Variants in RAB6A observed in about 807,000 individuals in gnomAD.
RAB6A encodes the protein RAB6A, member RAS oncogene family, also known as ras-related protein Rab-6A.
Under a neutral mutation model 32.3 loss-of-function variants are expected in RAB6A, and 8 were observed. The observed-to-expected ratio is 0.25, with a 90% CI of 0.15 to 0.45. The LOEUF (loss-of-function observed/expected upper bound fraction) is 0.45, where lower values mean the gene tolerates loss of function less well. Among genes scored for constraint, RAB6A ranks in the 20% least tolerant of loss-of-function variants. RAB6A has a pLI of 1.00. For synonymous variants in RAB6A, 73 were observed against 82.1 expected, an observed-to-expected ratio of 0.89 and a Z score of 0.60; for missense variants, 104 against 249.4, an observed-to-expected ratio of 0.42 and a Z score of 3.93.
At position 73,677,811 on chromosome 11, in the gene RAB6A, C is replaced by T; in HGVS notation, c.*87G>A. On this transcript the variant is annotated 3_prime_UTR_variant, in exon 8 of 8. Transcript: ENST00000336083. ...ACGTTATTACTGAAGGGAAAAGGTT[C>T]AAGCCAATATTCACACTGCAGTCAA... 1 of 1,601,410 alleles carries T rather than the reference C, an allele frequency of 6.2e-7. No homozygotes were observed. Among genetic ancestry groups the T allele is most frequent in the Non-Finnish European group, 8.5e-7 (1 of 1,170,466 alleles).
chr11:73,725,363 A>C (rs1366081413), intron 2 of RAB6A, among the ~76,000 whole-genome samples: 1 of 152,244 alleles, frequency 6.6e-6, no homozygotes, highest in Non-Finnish European at 1.5e-5. Context: ...GACTGGGTTC[A>C]TAACACGAAT....
rs528147447 is a variant in RAB6A at position 73,759,926 on chromosome 11, C to G, written c.70+640G>C. On this transcript the variant is annotated intron_variant, in intron 1 of 7. Coordinates refer to ENST00000336083, the MANE Select transcript of RAB6A (RefSeq NM_198896.2). ...AAAATCTCCACTGCCGACGCTACCC[C>G]TTTCACCCCCAACCACCCCATGCTC... 182 of 887,768 alleles carry G rather than the reference C, an allele frequency of 2.1e-4. No individual in the cohort carries two copies. The African/African-American group carries it at 3.0e-3, about 15-fold the overall frequency. The allele number at this position is 887,768 out of a possible 1,614,324, so 55.0% of individuals were successfully genotyped here.
intron 3 of RAB6A, chr11:73,719,002 G>C: frequency 1.0e-6 from 1 of 969,104 alleles, no homozygotes; most frequent in Non-Finnish European, 1.5e-6. Context: ...GTAGAAAGAA[G>C]ACTCATGCAA....
chr11:73,750,513 G>C (rs11235886), intron 1 of RAB6A, among the ~76,000 whole-genome samples: 1 of 151,834 alleles, frequency 6.6e-6, no homozygotes, highest in Non-Finnish European at 1.5e-5. Flanking sequence ...GTGCCACCGC[G>C]CCCAGCAAAT....
intron 1 of RAB6A, among the ~76,000 whole-genome samples, chr11:73,734,368 T>A (rs1031639323): frequency 2.2e-4 from 33 of 152,140 alleles, no homozygotes; most frequent in Admixed American, 1.3e-3. Context: ...TCAGGTGATA[T>A]ACCTGCCTCA....
intron 1 of RAB6A, among the ~76,000 whole-genome samples, chr11:73,751,247 G>C (rs1429932367): frequency 6.6e-6 from 1 of 152,030 alleles, no homozygotes; most frequent in Non-Finnish European, 1.5e-5. Context: ...CCTGTGAATG[G>C]ACTGCACTCC....
intron 6 of RAB6A, among the ~76,000 whole-genome samples, chr11:73,701,439 T>TA (rs1415903709): frequency 2.6e-5 from 4 of 152,228 alleles, no homozygotes; most frequent in Non-Finnish European, 5.9e-5. Context: ...TTCTGAATTG[T>TA]GACTGACCTA....
intron 1 of RAB6A, among the ~76,000 whole-genome samples, chr11:73,741,690 A>G (rs1214325451): frequency 6.6e-6 from 1 of 152,218 alleles, no homozygotes; most frequent in East Asian, 1.9e-4. Context: ...GAAATAAGCT[A>G]TCAAATCATA....
chr11:73,739,778 CG>C (rs1237159498), intron 1 of RAB6A, among the ~76,000 whole-genome samples: 3 of 151,912 alleles, frequency 2.0e-5, no homozygotes, highest in Non-Finnish European at 2.9e-5. Context: ...AGCCTCAGGC[CG>C]GGCCCGGTGG....
intron 6 of RAB6A, among the ~76,000 whole-genome samples, chr11:73,706,471 G>A (rs1217025428): frequency 4.0e-5 from 6 of 150,708 alleles, no homozygotes; most frequent in African/African-American, 1.2e-4. Flanking sequence ...CCGAGATCGC[G>A]CCACTGCACT....
At chr11:73,705,054 C>T (rs1945816058) in intron 6 of RAB6A, among the ~76,000 whole-genome samples, 1 of 152,048 alleles carries the variant, frequency 6.6e-6, no homozygotes, top group African/African-American at 2.4e-5. Context: ...TGGAAGCAAT[C>T]AAACATTATG....
chr11:73,749,497 G>A (rs942535920), intron 1 of RAB6A, among the ~76,000 whole-genome samples: 11 of 152,002 alleles, frequency 7.2e-5, no homozygotes, highest in African/African-American at 2.2e-4. Flanking sequence ...CCTGTTCCCC[G>A]AAAACTACTG....
intron 5 of RAB6A, among the ~76,000 whole-genome samples, chr11:73,713,187 A>G (rs1482195776): frequency 6.6e-6 from 1 of 152,162 alleles, no homozygotes; most frequent in East Asian, 1.9e-4. Flanking sequence ...TTCTAAATCC[A>G]ATGGTTAATT....
At chr11:73,707,299 A>G in intron 6 of RAB6A, 121 bp downstream of exon 6, 3 of 647,732 alleles carry the variant, frequency 4.6e-6, no homozygotes, top group Non-Finnish European at 8.0e-6. Flanking sequence ...CTGTTTGAAA[A>G]TATACTGCTA....
intron 1 of RAB6A, among the ~76,000 whole-genome samples, chr11:73,746,202 GA>G (rs1166195830): frequency 6.6e-6 from 1 of 151,170 alleles, no homozygotes; most frequent in Non-Finnish European, 1.5e-5. Context: ...AAAGAGAAAA[GA>G]AAAAAAGTCA....
chr11:73,749,007 C>A (rs1186905030), intron 1 of RAB6A, among the ~76,000 whole-genome samples: 1 of 152,066 alleles, frequency 6.6e-6, no homozygotes, highest in Non-Finnish European at 1.5e-5. Flanking sequence ...CGCCTGTAAT[C>A]CCAACTACTT....
At chr11:73,760,162 AGT>A in intron 1 of RAB6A, 5 of 1,230,072 alleles carry the variant, frequency 4.1e-6, no homozygotes, top group Non-Finnish European at 4.3e-6. Flanking sequence ...GGCTTCCCTG[AGT>A]GGGCCTCACA....
intron 6 of RAB6A, among the ~76,000 whole-genome samples, chr11:73,698,010 A>C (rs1342375790): frequency 2.0e-5 from 3 of 152,198 alleles, no homozygotes; most frequent in Non-Finnish European, 4.4e-5. Flanking sequence ...ACCTGAGGTC[A>C]GGAGTTCAAG....
At chr11:73,722,321 ATATATATATATATATATATATATTT>A in intron 2 of RAB6A, 1 of 10,794 alleles carries the variant, frequency 9.3e-5, no homozygotes, top group Admixed American at 1.8e-3. Context: ...ATATATATAT[ATATATATATATATATATATATATTT>A]TTTTTTTTTT....
Sources: allele counts gnomAD v4.1 joint callset (sites outside exome capture counted in the v4.1 genomes callset), GRCh38; gene constraint gnomAD v4.1.1; transcripts MANE v1.5; gene names NCBI Gene and HGNC (gene_info 2026-07-23, HGNC 2026-07-21).